Variants in SLC4A5 observed in about 807,000 individuals in gnomAD.
SLC4A5 encodes electrogenic sodium bicarbonate cotransporter 4.
SLC4A5 carries 96 observed loss-of-function variants against 120.4 expected under a neutral mutation model. The ratio of observed to expected loss-of-function variants is 0.80; its 90% CI spans 0.68 to 0.94. The LOEUF (loss-of-function observed/expected upper bound fraction) is 0.94. SLC4A5 is among the 40% of genes least tolerant of loss of function. SLC4A5 has a pLI of 0.00. For missense variants in SLC4A5, 1,259 were observed against 1,459.5 expected (o/e 0.86, Z 2.24); for synonymous variants, 550 against 571.1 (o/e 0.96, Z 0.53).
rs537045910 is a variant in SLC4A5, at chr2:74,337,219, G to C, written c.-221+1636C>G. Reference sequence around the variant, plus strand: ...GAGCAGGGAACAGAACAGCTGCTGGGTGTATCTAGGCCAAGAGGACCCCAG... The same window carrying C: ...GAGCAGGGAACAGAACAGCTGCTGGCTGTATCTAGGCCAAGAGGACCCCAG... On this transcript the variant is annotated intron_variant, in intron 3 of 30. Transcript: ENST00000394019. 3.3e-5 allele frequency among the ~76,000 whole-genome samples: 5 copies of C among 152,246 alleles called. No individual in the cohort carries two copies. The South Asian group carries it at 1.0e-3, about 32-fold the overall frequency.
In SLC4A5 at chr2:74,255,747, C is replaced by T. The variant is rs75038300; in HGVS notation, c.1025+28G>A. The T allele has an allele frequency of 3.5e-4, 562 of 1,612,140 alleles. No individual in the cohort carries two copies. The highest frequency in any genetic ancestry group is 4.5e-4 in the Non-Finnish European group (527 of 1,178,672). ...CTGCTGACTGGCTACCTGAGAGTGG[C>T]GTGGGGACAGGTTTCAATGGCTCTC... On this transcript the variant is annotated intron_variant, in intron 13 of 30. Transcript: ENST00000394019. The surrounding 1 kb of genome is among the most constrained non-coding windows in gnomAD (Gnocchi z 4.0).
chr2:74,309,617 C>A (rs1672745908), intron 6 of SLC4A5, among the ~76,000 whole-genome samples: 1 of 151,818 alleles, frequency 6.6e-6, no homozygotes, highest in Admixed American at 6.6e-5. Context: ...TTGGGGAGAA[C>A]TGACAACAAT....
intron 21 of SLC4A5, among the ~76,000 whole-genome samples, chr2:74,237,198 G>A (rs775177995): frequency 3.9e-5 from 6 of 152,040 alleles, no homozygotes; most frequent in Non-Finnish European, 4.4e-5. Context: ...GGATGGTCTC[G>A]ATCTCCTGCC....
In SLC4A5 at chr2:74,224,567, A is replaced by G. The variant is rs373001085; in HGVS notation, c.3246+273T>C. On this transcript the variant is annotated intron_variant, in intron 28 of 30. Coordinates refer to ENST00000394019, the Ensembl canonical transcript of SLC4A5. ...ACCCGCTTGCTGTGATCACGGCCGT[A>G]AAGCCCACAGTGATGGAAAGAGTGG... Among the ~76,000 whole-genome samples, 8 of 152,280 alleles carry G rather than the reference A, an allele frequency of 5.3e-5. No individual in the cohort carries two copies. In the East Asian group the frequency reaches 1.5e-3, roughly 29 times the overall value.
At chr2:74,236,812 C>T (rs1670284193) in intron 21 of SLC4A5, among the ~76,000 whole-genome samples, 1 of 152,112 alleles carries the variant, frequency 6.6e-6, no homozygotes, top group Non-Finnish European at 1.5e-5. Flanking sequence ...CAGAGAGTGT[C>T]AGTTGCTCTC....
In SLC4A5 at chr2:74,247,205, T is replaced by C. The variant is rs1349002379; in HGVS notation, c.1890A>G (p.Lys630=). 4 of 1,614,080 alleles carry C rather than the reference T, an allele frequency of 2.5e-6. No homozygotes were observed. The African/African-American group carries it at 4.0e-5, about 16-fold the overall frequency. ...CCTCCTCGGTGAAGCGGGTGATATA[T>C]TTGATGATAAAGCTGGCATCTGTGG... The change falls in exon 19 of 31, where the codon AAA becomes AAG. Residue 630 remains lysine (K), a synonymous_variant. Coordinates refer to ENST00000394019, the Ensembl canonical transcript of SLC4A5.
chr2:74,304,291 G>GGTGTCAGTCTGACCAAAA (rs1032624722), intron 7 of SLC4A5, among the ~76,000 whole-genome samples, 198 bp downstream of exon 7: 11 of 152,306 alleles, frequency 7.2e-5, no homozygotes, highest in Non-Finnish European at 1.2e-4. Flanking sequence ...AGAAAGACAG[G>GGTGTCAGTCTGACCAAAA]GTGTCAGTCT....
At chr2:74,242,810 G>A (rs1406125415) in intron 19 of SLC4A5, among the ~76,000 whole-genome samples, 1 of 152,098 alleles carries the variant, frequency 6.6e-6, no homozygotes, top group African/African-American at 2.4e-5. Flanking sequence ...GTGCCACCAT[G>A]CCTGGTTAAT....
chr2:74,307,687 C>G, intron 6 of SLC4A5: 2 of 942,052 alleles, frequency 2.1e-6, no homozygotes, highest in Non-Finnish European at 3.3e-6. Context: ...ATTTTGCTCT[C>G]CAGCTTCCTG....
intron 30 of SLC4A5, among the ~76,000 whole-genome samples, chr2:74,219,521 A>G (rs1694557690): frequency 6.6e-6 from 1 of 152,152 alleles, no homozygotes; most frequent in South Asian, 2.1e-4. Flanking sequence ...CTTGCTATTT[A>G]GTGATCTTTG....
chr2:74,303,058 GTTTT>G (rs1257408331), intron 7 of SLC4A5, among the ~76,000 whole-genome samples: 1 of 149,904 alleles, frequency 6.7e-6, no homozygotes, highest in Non-Finnish European at 1.5e-5. Flanking sequence ...ATGTGGAAGT[GTTTT>G]TTTGTGTGTG....
At chr2:74,284,163 T>TAATGAAAGAAATTAAATA (rs1558894422) in intron 8 of SLC4A5, among the ~76,000 whole-genome samples, 9 of 94,694 alleles carry the variant, frequency 9.5e-5, no homozygotes, top group South Asian at 3.7e-4. Context: ...TCCTTATTTC[T>TAATGAAAGAAATTAAATA]TTTTTTTTTT....
At chr2:74,242,167 G>T in intron 19 of SLC4A5, 115 bp from the exon 20 acceptor site, 1 of 882,966 alleles carries the variant, frequency 1.1e-6, no homozygotes, top group Non-Finnish European at 1.7e-6. Context: ...GGCTTCCATT[G>T]TGAGGGCAGC....
chr2:74,307,446 T>A, intron 6 of SLC4A5: 1 of 630,710 alleles, frequency 1.6e-6, no homozygotes, highest in South Asian at 1.4e-5. Context: ...ACTGGTGTCA[T>A]CAATGACCTT....
At chr2:74,285,896 G>A in exon 8 of SLC4A5, 1 of 1,599,342 alleles carries the variant, frequency 6.3e-7, no homozygotes, top group Non-Finnish European at 8.5e-7. Flanking sequence ...CTCAGCAGCT[G>A]GGGACCCTGC....
intron 24 of SLC4A5, among the ~76,000 whole-genome samples, 158 bp downstream of exon 24, chr2:74,232,311 C>T (rs1670115467): frequency 6.6e-6 from 1 of 152,188 alleles, no homozygotes; most frequent in African/African-American, 2.4e-5. Flanking sequence ...CTCTCTCCTT[C>T]CCTCCCTCCA....
intron 6 of SLC4A5, among the ~76,000 whole-genome samples, chr2:74,308,905 G>A (rs1672727778): frequency 6.6e-6 from 1 of 151,578 alleles, no homozygotes. Flanking sequence ...AAAGGTGTAA[G>A]GACTATGTCT....
chr2:74,236,486 A>G (rs1670272680), intron 21 of SLC4A5, among the ~76,000 whole-genome samples: 1 of 151,738 alleles, frequency 6.6e-6, no homozygotes. Context: ...TTCCTGTCAC[A>G]CCTCCACTTT....
chr2:74,231,581 T>G (rs1670086370), intron 24 of SLC4A5, among the ~76,000 whole-genome samples: 1 of 152,198 alleles, frequency 6.6e-6, no homozygotes, highest in Non-Finnish European at 1.5e-5. Flanking sequence ...AGGACTGATG[T>G]GGACTGGATC....
Sources: gnomAD v4.1 joint callset for allele counts (sites outside exome capture counted in the v4.1 genomes callset) on GRCh38, gnomAD v4.1.1 for gene constraint, Gnocchi (gnomAD v3.1) non-coding constraint, MANE v1.5 for transcripts, NCBI Gene and HGNC (gene_info 2026-07-23, HGNC 2026-07-21) for gene names.